COPS8: variants seen among roughly 807,000 people sequenced by gnomAD.
COPS8 encodes the protein COP9 signalosome subunit 8.
Under a neutral mutation model 31.5 loss-of-function variants are expected in COPS8, and 11 were observed. The ratio of observed to expected loss-of-function variants is 0.35; its 90% CI spans 0.22 to 0.58. The LOEUF (loss-of-function observed/expected upper bound fraction) is 0.58, where lower values mean the gene tolerates loss of function less well. Among genes scored for constraint, COPS8 ranks in the 20% least tolerant of loss-of-function variants. COPS8 has a pLI of 0.83. For missense variants in COPS8, 215 were observed against 255.1 expected (o/e 0.84, Z 1.07); for synonymous variants, 81 against 89.3 (o/e 0.91, Z 0.52).
intron 4 of COPS8, chr2:237,093,661 AG>A (rs1696745907): frequency 1.0e-6 from 1 of 983,170 alleles, no homozygotes; most frequent in South Asian, 4.7e-5. Flanking sequence ...TGTAACTCCC[AG>A]GTGTGGTCCT....
At chr2:237,095,411 G>A (rs1056949562) in intron 5 of COPS8, among the ~76,000 whole-genome samples, 5 of 152,098 alleles carry the variant, frequency 3.3e-5, no homozygotes, top group Non-Finnish European at 7.3e-5. Flanking sequence ...ATAAAAGCAC[G>A]TAGTCTGGTA....
rs73083570 is a variant in COPS8, at chr2:237,097,163, G to C, written c.550+294G>C. 2.3e-3 allele frequency among the ~76,000 whole-genome samples: 347 copies of C among 151,858 alleles called. 3 individuals are homozygous for C. The highest frequency in any genetic ancestry group is 8.0e-3 in the African/African-American group (331 of 41,390). On this transcript the variant is annotated intron_variant, in intron 7 of 7. Transcript: ENST00000354371. ...TACTGTTATTCAGAAGGCGTCCCCA[G>C]GCTGACGTGTAGTAATTTAAATGTT... is the stretch of plus-strand genomic sequence containing the variant.
intron 2 of COPS8, among the ~76,000 whole-genome samples, chr2:237,088,308 C>T (rs1010829560): frequency 1.3e-5 from 2 of 151,994 alleles, no homozygotes; most frequent in African/African-American, 4.8e-5. Context: ...TAATTTGGGC[C>T]GTCTATAAAT....
At position 237,099,442 on chromosome 2, in the gene COPS8, A is replaced by T. The variant is rs147187393; in HGVS notation, c.*1700A>T. ...CAATTTTACATTGTCAGTGGGATAT[A>T]CACTAAGGACAGAAAAAAATCTTAG... On this transcript the variant is annotated 3_prime_UTR_variant, in exon 8 of 8. Transcript: ENST00000354371. 1 of 152,308 alleles carries T rather than the reference A, an allele frequency of 6.6e-6. No homozygotes were observed. Among genetic ancestry groups the T allele is most frequent in the East Asian group, 1.9e-4 (1 of 5,188 alleles). The allele number at this position is 152,308 out of a possible 1,614,324, so 9.4% of individuals were successfully genotyped here.
Position 237,086,895 on chromosome 2 carries a change from A to G in COPS8, c.79-232A>G, listed in dbSNP as rs184560309. On this transcript the variant is annotated intron_variant, in intron 1 of 7. Transcript: ENST00000354371. ...ACTGAAGCCCAAAGGGAGATAAATC[A>G]AAGCTGATGACGAATATAAACTTAA... 1,519 of 416,066 alleles carry G rather than the reference A, an allele frequency of 3.7e-3. 2 individuals are homozygous for G. The highest frequency in any genetic ancestry group is 5.2e-3 in the Non-Finnish European group (1,326 of 256,328). The allele number at this position is 416,066 out of a possible 1,614,324, so 25.8% of individuals were successfully genotyped here. A position where few individuals can be genotyped will look rare whatever the true frequency, so the allele number is the denominator to read the frequency against.
chr2:237,094,980 A>G (rs935049277), intron 5 of COPS8, among the ~76,000 whole-genome samples: 1 of 152,076 alleles, frequency 6.6e-6, no homozygotes, highest in Non-Finnish European at 1.5e-5. Context: ...ATATATATAT[A>G]TATCGTATAC....
intron 5 of COPS8, 149 bp from the exon 6 acceptor site, chr2:237,095,673 C>T: frequency 1.7e-6 from 1 of 594,042 alleles, no homozygotes; most frequent in Non-Finnish European, 3.1e-6. Context: ...TTTCCATGCT[C>T]TTTGTAATAT....
At chr2:237,088,291 TAATA>T (rs1335952532) in intron 2 of COPS8, among the ~76,000 whole-genome samples, 1 of 152,328 alleles carries the variant, frequency 6.6e-6, no homozygotes, top group Admixed American at 6.5e-5. Flanking sequence ...TTTTATATCC[TAATA>T]AATAATTTGG....
chr2:237,094,185 G>A lies in COPS8; in HGVS notation c.427G>A (p.Glu143Lys). The A allele has an allele frequency of 6.2e-7, 1 of 1,613,756 alleles. No individual in the cohort carries two copies. Among genetic ancestry groups the A allele is most frequent in the South Asian group, 1.1e-5 (1 of 91,004 alleles). The change falls in exon 5 of 8, where the codon GAG becomes AAG. Residue 143 changes from glutamate to lysine, a missense_variant. Coordinates refer to ENST00000354371, the MANE Select transcript of COPS8 (RefSeq NM_006710.5). Reference sequence around the variant, plus strand: ...AGCCTTTGTTGGACTTCCTGTAGAAGAGGCTGTGAAAGGTAATTTTGGCTT... The same window carrying A: ...AGCCTTTGTTGGACTTCCTGTAGAAAAGGCTGTGAAAGGTAATTTTGGCTT... Reference protein sequence around the residue: ...FAAFVGLPVEEAVKGILEQGW... With the variant: ...FAAFVGLPVEKAVKGILEQGW...
chr2:237,096,571 G>A (rs1696804677), intron 6 of COPS8: 3 of 537,028 alleles, frequency 5.6e-6, no homozygotes, highest in Non-Finnish European at 9.8e-6. Flanking sequence ...AGACATTGCT[G>A]AACATACAGT....
Position 237,087,184 on chromosome 2 carries a change from C to A in COPS8, c.136C>A (p.Leu46Ile). Reference protein sequence around the residue: ...VYGQLLALYLLHNDMNNARYL... With the variant: ...VYGQLLALYLIHNDMNNARYL... Reference sequence around the variant, plus strand: ...TGGTCAGCTTCTAGCTTTATATTTGCTCCATAATGACATGTAAGTATGTTT... The same window carrying A: ...TGGTCAGCTTCTAGCTTTATATTTGATCCATAATGACATGTAAGTATGTTT... Residue 46 changes from leucine (L) to isoleucine (I), a missense_variant, in exon 2 of 8, where the codon CTC becomes ATC. Physicochemically the swap from Leu to Ile is conservative, Grantham distance 5. Transcript: ENST00000354371. 1 of 1,608,046 alleles carries A rather than the reference C, an allele frequency of 6.2e-7. No individual in the cohort carries two copies. Among genetic ancestry groups the A allele is most frequent in the South Asian group, 1.1e-5 (1 of 89,768 alleles).
rs1242261985 is a variant in COPS8 at position 237,098,995 on chromosome 2, A to G, written c.*1253A>G. On this transcript the variant is annotated 3_prime_UTR_variant, in exon 8 of 8. Transcript: ENST00000354371. ...GAATTCAAGAAGTCAGAGGATCAGGAGAGTGATCAAGAGAATGACAGTGCC... is the reference window on the plus strand; with the variant it reads ...GAATTCAAGAAGTCAGAGGATCAGGGGAGTGATCAAGAGAATGACAGTGCC... The G allele has an allele frequency of 6.6e-6, 1 of 152,212 alleles. No homozygotes were observed. The highest frequency in any genetic ancestry group is 2.4e-5 in the African/African-American group (1 of 41,462). The allele number at this position is 152,212 out of a possible 1,614,324, so 9.4% of individuals were successfully genotyped here.
At chr2:237,092,287 A>G (rs1190924433) in intron 4 of COPS8, among the ~76,000 whole-genome samples, 1 of 152,188 alleles carries the variant, frequency 6.6e-6, no homozygotes, top group Non-Finnish European at 1.5e-5. Flanking sequence ...CCAAGTGGAT[A>G]TTGCAGCTTC....
At position 237,087,904 on chromosome 2, in the gene COPS8, G is replaced by A. The variant is rs114733960; in HGVS notation, c.150-701G>A. 5.4e-3 allele frequency among the ~76,000 whole-genome samples: 809 copies of A among 149,178 alleles called. 8 individuals carry two copies. The highest frequency in any genetic ancestry group is 0.017 in the African/African-American group (686 of 40,226). On this transcript the variant is annotated intron_variant, in intron 2 of 7. Transcript: ENST00000354371. The stretch of plus-strand genomic sequence containing the variant: ...GCTAAGATTGCGCGACTGCACTCTA[G>A]CCTGAGCAACCAAAGTGAGACCCTG...
At chr2:237,087,246 T>C (rs113071187) in intron 2 of COPS8, 49 bp downstream of exon 2, 22 of 1,378,882 alleles carry the variant, frequency 1.6e-5, no homozygotes, top group East Asian at 1.2e-4. Context: ...CTCAAAGTTA[T>C]ATGGAAATAT....
rs1174689842 is a variant in COPS8 at position 237,099,653 on chromosome 2, A to G, written c.*1911A>G. On this transcript the variant is annotated 3_prime_UTR_variant, in exon 8 of 8. Transcript: ENST00000354371. The stretch of plus-strand genomic sequence containing the variant: ...GTAAATATTTCCCACTCCTGTCTAC[A>G]TGAAAAGGTCTAGAGTAATTACAGT... The G allele has an allele frequency of 6.6e-6, 1 of 152,154 alleles. No individual in the cohort carries two copies. Among genetic ancestry groups the G allele is most frequent in the African/African-American group, 2.4e-5 (1 of 41,406 alleles). 9.4% of individuals were successfully genotyped at this position (152,154 alleles called of 1,614,324 possible).
rs1696749796 is a variant in COPS8, at chr2:237,093,951, A to G, written c.332-139A>G. 4.9e-6 allele frequency: 7 copies of G among 1,418,204 alleles called. No homozygotes were observed. In the South Asian group the frequency reaches 6.6e-5, roughly 13 times the overall value. 87.9% of individuals were successfully genotyped at this position (1,418,204 alleles called of 1,614,324 possible). Reference sequence around the variant, plus strand: ...GTACATACTGGGCATATGTATTTGTATCTATAAGCACAGAAATCTTTGGGT... The same window carrying G: ...GTACATACTGGGCATATGTATTTGTGTCTATAAGCACAGAAATCTTTGGGT... On this transcript the variant is annotated intron_variant, in intron 4 of 7. Transcript: ENST00000354371.
At chr2:237,094,352 A>T (rs2106346497) in intron 5 of COPS8, among the ~76,000 whole-genome samples, 155 bp downstream of exon 5, 1 of 152,310 alleles carries the variant, frequency 6.6e-6, no homozygotes, top group East Asian at 1.9e-4. Context: ...GTTGTGGAAC[A>T]CCCAGCAGGC....
chr2:237,091,930 A>G (rs963378099), intron 4 of COPS8, among the ~76,000 whole-genome samples: 2 of 152,214 alleles, frequency 1.3e-5, no homozygotes, highest in Non-Finnish European at 2.9e-5. Context: ...CCAAAGCAAG[A>G]GAGCTCAGGT....
Sources: gnomAD v4.1 joint callset for allele counts (sites outside exome capture counted in the v4.1 genomes callset) on GRCh38, gnomAD v4.1.1 for gene constraint, MANE v1.5 for transcripts, NCBI Gene and HGNC (gene_info 2026-07-23, HGNC 2026-07-21) for gene names.